ARHGEF4: variants seen among roughly 807,000 people sequenced by gnomAD.
ARHGEF4 encodes the protein APC-stimulated guanine nucleotide exchange factor 1.
In ARHGEF4, 119 loss-of-function variants were observed where a neutral mutation model predicts 162.0. The ratio of observed to expected loss-of-function variants is 0.73; its 90% confidence interval spans 0.63 to 0.86. The LOEUF (loss-of-function observed/expected upper bound fraction) is 0.86. ARHGEF4 is among the 40% of genes least tolerant of loss of function. The pLI, the probability that ARHGEF4 is intolerant of heterozygous loss-of-function variation, is 0.00. For missense variants in ARHGEF4, 2,488 were observed against 2,456.0 expected, an observed-to-expected ratio of 1.01 and a Z score of -0.28; for synonymous variants, 1,014 against 979.9, an observed-to-expected ratio of 1.03 and a Z score of -0.65.
In ARHGEF4 at chr2:130,995,627, TTCTC is replaced by T. The variant is rs368690095; in HGVS notation, c.3986-32317_3986-32314del. ...TTTTTGGCTTATGATGATATTATCT[TTCTC>T]CAGAGAGGATTTATATTTGCTTCTG... On this transcript the variant is annotated intron_variant, in intron 4 of 13. Coordinates refer to ENST00000409359, the MANE Select transcript of ARHGEF4 (RefSeq NM_001367493.1). Among the ~76,000 whole-genome samples the T allele has an allele frequency of 4.5e-4, 68 of 152,344 alleles. 2 individuals are homozygous for T. The South Asian group carries it at 0.013, about 30-fold the overall frequency.
rs551792877 is a variant in ARHGEF4 at position 130,924,736 on chromosome 2, G to A, written c.3553-6216G>A. Among the ~76,000 whole-genome samples, 4 of 152,290 alleles carry A rather than the reference G, an allele frequency of 2.6e-5. 1 individual carries two copies. The highest frequency in any genetic ancestry group is 6.5e-5 in the Admixed American group (1 of 15,294). On this transcript the variant is annotated intron_variant, in intron 2 of 13. Coordinates refer to ENST00000409359, the MANE Select transcript of ARHGEF4 (RefSeq NM_001367493.1). Reference sequence around the variant, plus strand: ...GGGGCTTAGGAAGGACACCAAGACCGAGAGAGAGCAGGACAGAAATAGCTG... The same window carrying A: ...GGGGCTTAGGAAGGACACCAAGACCAAGAGAGAGCAGGACAGAAATAGCTG...
chr2:130,857,100 C>T lies in ARHGEF4; in HGVS notation c.39+20108C>T, dbSNP rs187832553. Among the ~76,000 whole-genome samples the T allele has an allele frequency of 3.4e-3, 521 of 152,152 alleles. 4 individuals are homozygous for T. The highest frequency in any genetic ancestry group is 0.012 in the African/African-American group (481 of 41,516). On this transcript the variant is annotated intron_variant, in intron 1 of 13. Transcript: ENST00000409359. ...ACAAAAAATTAGCTGGGCGTGGTGGCGGGTGCCTGTAGTCCCAGCTACTTG... is the reference window on the plus strand; with the variant it reads ...ACAAAAAATTAGCTGGGCGTGGTGGTGGGTGCCTGTAGTCCCAGCTACTTG...
intron 1 of ARHGEF4, among the ~76,000 whole-genome samples, chr2:130,896,486 C>G (rs1453346599): frequency 1.3e-5 from 2 of 152,218 alleles, no homozygotes; most frequent in Non-Finnish European, 2.9e-5. Flanking sequence ...CAGTTCACTG[C>G]AGTAGTCCAC....
At chr2:130,933,214 C>CAA (rs34411956) in intron 3 of ARHGEF4, among the ~76,000 whole-genome samples, 1 of 136,690 alleles carries the variant, frequency 7.3e-6, no homozygotes, top group African/African-American at 3.0e-5. Flanking sequence ...GACCCTGTCT[C>CAA]AAAAAAAAAA....
intron 1 of ARHGEF4, among the ~76,000 whole-genome samples, chr2:130,849,841 A>C (rs999250534): frequency 6.6e-6 from 1 of 152,226 alleles, no homozygotes; most frequent in Non-Finnish European, 1.5e-5. Context: ...CTGGGATTAC[A>C]GGCTTGAGCC....
chr2:131,014,969 C>T (rs1688684922), intron 4 of ARHGEF4, among the ~76,000 whole-genome samples: 1 of 152,094 alleles, frequency 6.6e-6, no homozygotes, highest in Non-Finnish European at 1.5e-5. Context: ...GCCCTGGCTG[C>T]GGGTTGCCTG....
chr2:130,954,999 T>C (rs1417469286), intron 4 of ARHGEF4, among the ~76,000 whole-genome samples: 1 of 152,194 alleles, frequency 6.6e-6, no homozygotes, highest in African/African-American at 2.4e-5. Context: ...TTCTTTGGCT[T>C]ATGTAATTTC....
intron 1 of ARHGEF4, among the ~76,000 whole-genome samples, chr2:130,851,046 T>G (rs1681374383): frequency 6.6e-6 from 1 of 152,252 alleles, no homozygotes; most frequent in Admixed American, 6.5e-5. Flanking sequence ...AAAACCAGCC[T>G]GCTGGGTCCC....
At chr2:130,987,520 G>A (rs1001321071) in intron 4 of ARHGEF4, among the ~76,000 whole-genome samples, 2 of 152,230 alleles carry the variant, frequency 1.3e-5, no homozygotes, top group Non-Finnish European at 2.9e-5. Context: ...TATTGTCCCC[G>A]CCCATGTTCT....
intron 1 of ARHGEF4, among the ~76,000 whole-genome samples, chr2:130,897,311 G>C (rs747677): frequency 0.3 from 45,851 of 152,134 alleles, 9,175 homozygotes; most frequent in African/African-American, 0.55. Flanking sequence ...AGCGCCTCCT[G>C]GGAGACGCAT....
rs72861461 is a variant in ARHGEF4 at position 130,930,245 on chromosome 2, G to A, written c.3553-707G>A. Among the ~76,000 whole-genome samples, 648 of 152,246 alleles carry A rather than the reference G, an allele frequency of 4.3e-3. 4 individuals are homozygous for A. Among genetic ancestry groups the A allele is most frequent in the South Asian group, 8.5e-3 (41 of 4,826 alleles). The stretch of plus-strand genomic sequence containing the variant: ...AAACAGTACACACAGAGTGCTTGGG[G>A]ATGCCATTCCACAGAGGTTGCTGCT... On this transcript the variant is annotated intron_variant, in intron 2 of 13. Transcript: ENST00000409359.
chr2:130,954,544 A>G (rs1388712415), intron 4 of ARHGEF4, among the ~76,000 whole-genome samples: 1 of 152,256 alleles, frequency 6.6e-6, no homozygotes, highest in African/African-American at 2.4e-5. Flanking sequence ...AACTTAAAGT[A>G]TAATTAAAAA....
chr2:130,925,044 GTGT>G (rs1197196866), intron 2 of ARHGEF4, among the ~76,000 whole-genome samples: 1 of 59,880 alleles, frequency 1.7e-5, no homozygotes, highest in Non-Finnish European at 3.1e-5. Context: ...AAGTGTGTGT[GTGT>G]GTGTGTGTGT....
intron 3 of ARHGEF4, among the ~76,000 whole-genome samples, chr2:130,937,890 A>C (rs1473158854): frequency 6.6e-6 from 1 of 151,930 alleles, no homozygotes; most frequent in African/African-American, 2.4e-5. Context: ...GATGGTCTCG[A>C]TCTCCTGACC....
chr2:130,913,357 T>C (rs988632645), intron 1 of ARHGEF4, among the ~76,000 whole-genome samples: 4 of 152,256 alleles, frequency 2.6e-5, no homozygotes, highest in African/African-American at 9.6e-5. Flanking sequence ...TGAAAATGTA[T>C]ATCTCAATAA....
intron 1 of ARHGEF4, among the ~76,000 whole-genome samples, chr2:130,860,561 T>A (rs1489361538): frequency 9.5e-6 from 1 of 104,916 alleles, no homozygotes; most frequent in East Asian, 2.8e-4. Context: ...ACAAAAAAAA[T>A]TAGCTGGGCA....
At chr2:130,847,349 G>A (rs1312324283) in intron 1 of ARHGEF4, among the ~76,000 whole-genome samples, 1 of 152,242 alleles carries the variant, frequency 6.6e-6, no homozygotes, top group Admixed American at 6.5e-5. Flanking sequence ...GAGGCCGGGG[G>A]AAATTATTGA....
chr2:130,913,908 C>T, intron 1 of ARHGEF4, 78 bp from the exon 2 acceptor site: 1 of 1,496,644 alleles, frequency 6.7e-7, no homozygotes, highest in African/African-American at 1.4e-5. Context: ...CTCCTTCTGG[C>T]AAAGGCAGGC....
At chr2:130,872,577 T>C (rs1678562402) in intron 1 of ARHGEF4, among the ~76,000 whole-genome samples, 1 of 152,110 alleles carries the variant, frequency 6.6e-6, no homozygotes, top group Admixed American at 6.5e-5. Context: ...CTGGGTACAA[T>C]CGCAAATCTT....
Sources: gnomAD v4.1 joint callset for allele counts (sites outside exome capture counted in the v4.1 genomes callset) on GRCh38, gnomAD v4.1.1 for gene constraint, MANE v1.5 for transcripts, NCBI Gene and HGNC (gene_info 2026-07-23, HGNC 2026-07-21) for gene names.